ERC2: variants seen among roughly 807,000 people sequenced by gnomAD.
The protein encoded by ERC2 is ERC protein 2.
A neutral mutation model predicts 114.8 loss-of-function variants in ERC2; 42 were observed. That is an observed-to-expected ratio of 0.37 (90% CI 0.29 to 0.47). The LOEUF (loss-of-function observed/expected upper bound fraction) is 0.47. Ranked by LOEUF, ERC2 falls within the 20% of genes least tolerant of loss-of-function variation. The pLI, the probability that ERC2 is intolerant of heterozygous loss-of-function variation, is 0.99. For missense variants in ERC2, 939 were observed against 1,150.7 expected, an observed-to-expected ratio of 0.82 and a Z score of 2.66; for synonymous variants, 454 against 425.5, an observed-to-expected ratio of 1.07 and a Z score of -0.82.
chr3:55,632,708 T>G (rs1014267156), intron 17 of ERC2, among the ~76,000 whole-genome samples: 7 of 152,180 alleles, frequency 4.6e-5, no homozygotes, highest in African/African-American at 1.7e-4. Flanking sequence ...CATCATAATA[T>G]TTAGAGCTGG....
At chr3:56,191,533 G>T (rs912905725) in intron 3 of ERC2, among the ~76,000 whole-genome samples, 2 of 152,150 alleles carry the variant, frequency 1.3e-5, no homozygotes, top group African/African-American at 4.8e-5. Flanking sequence ...TTACAGAGGA[G>T]GGGAGTAAGG....
chr3:55,765,063 C>T (rs1039824975), intron 14 of ERC2, among the ~76,000 whole-genome samples: 2 of 152,132 alleles, frequency 1.3e-5, no homozygotes, highest in African/African-American at 4.8e-5. Flanking sequence ...AACAGGAGAT[C>T]GCTTCTTGTC....
chr3:56,110,096 T>C (rs2078880387), intron 6 of ERC2, among the ~76,000 whole-genome samples: 1 of 152,156 alleles, frequency 6.6e-6, no homozygotes, highest in Admixed American at 6.5e-5. Context: ...AAACAAAGCA[T>C]GGAAATATAT....
At chr3:56,405,672 T>C (rs552006113) in intron 2 of ERC2, among the ~76,000 whole-genome samples, 1 of 152,130 alleles carries the variant, frequency 6.6e-6, no homozygotes, top group African/African-American at 2.4e-5. Context: ...GATAGATAGA[T>C]AGATGAAGAA....
At chr3:55,733,101 T>A (rs2065361111) in intron 15 of ERC2, among the ~76,000 whole-genome samples, 1 of 152,170 alleles carries the variant, frequency 6.6e-6, no homozygotes, top group Non-Finnish European at 1.5e-5. Flanking sequence ...AAGGGCTGTT[T>A]CTTAGGTCTA....
intron 2 of ERC2, among the ~76,000 whole-genome samples, chr3:56,364,272 G>A (rs1223776050): frequency 6.6e-6 from 1 of 152,178 alleles, no homozygotes; most frequent in African/African-American, 2.4e-5. Context: ...AGTGGTTAGA[G>A]AGCTCCCGTA....
chr3:56,436,665 A>G (rs1244314305), intron 1 of ERC2, among the ~76,000 whole-genome samples: 1 of 152,194 alleles, frequency 6.6e-6, no homozygotes, highest in Non-Finnish European at 1.5e-5. Context: ...TGTATCCTCC[A>G]GACATGGTAG....
chr3:55,869,288 G>C (rs1161657491), intron 14 of ERC2, among the ~76,000 whole-genome samples: 4 of 152,020 alleles, frequency 2.6e-5, no homozygotes, highest in African/African-American at 9.7e-5. Context: ...GCAAAGATAA[G>C]GTTAGGAGTC....
At chr3:55,880,535 A>AT (rs1294654494) in intron 14 of ERC2, among the ~76,000 whole-genome samples, 1 of 152,116 alleles carries the variant, frequency 6.6e-6, no homozygotes, top group African/African-American at 2.4e-5. Context: ...TGAATGAGTC[A>AT]TTTTTTGTGA....
intron 2 of ERC2, among the ~76,000 whole-genome samples, chr3:56,363,856 A>G (rs2059054373): frequency 6.7e-6 from 1 of 149,668 alleles, no homozygotes; most frequent in Non-Finnish European, 1.5e-5. Context: ...GGAGGAAGGG[A>G]AAAAGAAAGG....
chr3:56,217,205 T>G (rs1164845682), intron 3 of ERC2, among the ~76,000 whole-genome samples: 1 of 152,220 alleles, frequency 6.6e-6, no homozygotes. Flanking sequence ...AAATTGTCCC[T>G]GTTTGCAGAT....
intron 3 of ERC2, among the ~76,000 whole-genome samples, chr3:56,281,070 G>A (rs2054304888): frequency 6.6e-6 from 1 of 152,222 alleles, no homozygotes. Context: ...CCAAAAAGCT[G>A]TAACAAATTG....
intron 14 of ERC2, among the ~76,000 whole-genome samples, chr3:55,744,466 G>A (rs2066183695): frequency 6.6e-6 from 1 of 152,060 alleles, no homozygotes; most frequent in African/African-American, 2.4e-5. Flanking sequence ...ACAAAAAGAA[G>A]TGCAACTTTG....
chr3:56,043,481 C>T (rs1451935955), intron 7 of ERC2, among the ~76,000 whole-genome samples: 1 of 151,142 alleles, frequency 6.6e-6, no homozygotes, highest in African/African-American at 2.4e-5. Flanking sequence ...TAGTGTCTGA[C>T]ATCAGAAAAA....
intron 17 of ERC2, among the ~76,000 whole-genome samples, chr3:55,554,728 C>G (rs376256022): frequency 1.3e-5 from 2 of 152,168 alleles, no homozygotes; most frequent in East Asian, 1.9e-4. Context: ...TCCCTTCCCC[C>G]CTCCCCCCTT....
At chr3:56,023,089 T>C (rs573925417) in intron 7 of ERC2, among the ~76,000 whole-genome samples, 96 of 152,256 alleles carry the variant, frequency 6.3e-4, no homozygotes, top group African/African-American at 2.3e-3. Flanking sequence ...GATGGGCCAA[T>C]GTTCAGCAGG....
In ERC2 at chr3:55,916,802, A is replaced by G. The variant is rs1018406891; in HGVS notation, c.2404-28253T>C. Among the ~76,000 whole-genome samples the G allele has an allele frequency of 5.3e-5, 8 of 152,110 alleles. No homozygotes were observed. The South Asian group carries it at 8.3e-4, about 16-fold the overall frequency. On this transcript the variant is annotated intron_variant, in intron 13 of 17. Coordinates refer to ENST00000288221, the MANE Select transcript of ERC2 (RefSeq NM_015576.3). Reference sequence around the variant, plus strand: ...AATCTCCAACTCTCTTGTTCATTTTAAAAACATGTATTTTTTGTTAATGAG... The same window carrying G: ...AATCTCCAACTCTCTTGTTCATTTTGAAAACATGTATTTTTTGTTAATGAG...
At chr3:56,396,987 T>C (rs972446797) in intron 2 of ERC2, among the ~76,000 whole-genome samples, 3 of 152,074 alleles carry the variant, frequency 2.0e-5, no homozygotes, top group South Asian at 2.1e-4. Context: ...AGTAATCAGT[T>C]CCCCTGCCTT....
intron 3 of ERC2, among the ~76,000 whole-genome samples, chr3:56,237,386 T>C (rs1040462352): frequency 7.9e-5 from 12 of 152,304 alleles, no homozygotes; most frequent in African/African-American, 2.6e-4. Flanking sequence ...GTTAAAAAAA[T>C]TATTTTTCAG....
Sources: allele counts gnomAD v4.1 joint callset (sites outside exome capture counted in the v4.1 genomes callset), GRCh38; gene constraint gnomAD v4.1.1; transcripts MANE v1.5; gene names NCBI Gene and HGNC (gene_info 2026-07-23, HGNC 2026-07-21).